The following MAP1LC3B variants were observed in gnomAD, a reference collection of about 807,000 sequenced individuals.
The protein encoded by MAP1LC3B is microtubule-associated protein 1 light chain 3 beta.
MAP1LC3B carries 12 observed loss-of-function variants against 16.7 expected under a neutral mutation model. The ratio of observed to expected loss-of-function variants is 0.72; its 90% CI spans 0.46 to 1.16. MAP1LC3B has a LOEUF of 1.16. MAP1LC3B is among the 50% of genes most tolerant of loss of function. The probability of loss-of-function intolerance (pLI) is 0.00; values close to 1 mark genes in which losing one functional copy is unlikely to be tolerated. For missense variants in MAP1LC3B, 155 were observed against 159.5 expected (o/e 0.97, Z 0.15); for synonymous variants, 63 against 56.5 (o/e 1.11, Z -0.51).
chr16:87,392,582 C>T, intron 1 of MAP1LC3B, 115 bp downstream of exon 1: 1 of 993,872 alleles, frequency 1.0e-6, no homozygotes, highest in Non-Finnish European at 1.3e-6. Context: ...CCGAGCGGGG[C>T]CGGTGGCTGC....
At chr16:87,392,805 C>T (rs986498410) in intron 1 of MAP1LC3B, 3 of 152,842 alleles carry the variant, frequency 2.0e-5, no homozygotes, top group Non-Finnish European at 2.9e-5. Context: ...GGCGGGGTGC[C>T]TGCCGTACCC....
chr16:87,395,351 C>A (rs141296592), intron 1 of MAP1LC3B, among the ~76,000 whole-genome samples: 9 of 152,200 alleles, frequency 5.9e-5, no homozygotes, highest in African/African-American at 1.9e-4. Context: ...CTTCTGTGTA[C>A]AAGCCTGAGC....
intron 1 of MAP1LC3B, 77 bp from the exon 2 acceptor site, chr16:87,398,738 G>A: frequency 7.6e-7 from 1 of 1,307,814 alleles, no homozygotes; most frequent in Non-Finnish European, 1.1e-6. Flanking sequence ...GCTGAACTTG[G>A]ATGGAGAACC....
intron 1 of MAP1LC3B, among the ~76,000 whole-genome samples, chr16:87,396,100 A>T (rs1482789534): frequency 2.0e-5 from 3 of 150,966 alleles, no homozygotes; most frequent in African/African-American, 7.3e-5. Context: ...ACCTCAGGTG[A>T]TCCGCCCGCC....
intron 1 of MAP1LC3B, 89 bp downstream of exon 1, chr16:87,392,556 G>T: frequency 8.7e-7 from 1 of 1,150,580 alleles, no homozygotes; most frequent in Non-Finnish European, 1.1e-6. Context: ...TGAGGGGTCG[G>T]GGCCGAGCCG....
At chr16:87,402,130 T>C (rs1298333162) in intron 2 of MAP1LC3B, 45 bp from the exon 3 acceptor site, 2 of 1,607,666 alleles carry the variant, frequency 1.2e-6, no homozygotes, top group East Asian at 2.2e-5. Context: ...CCACCGCGCC[T>C]GGCCCTGATG....
chr16:87,398,904 A>G, intron 2 of MAP1LC3B, 34 bp downstream of exon 2: 3 of 1,592,032 alleles, frequency 1.9e-6, no homozygotes, highest in African/African-American at 1.3e-5. Flanking sequence ...TCAGTCATGA[A>G]TGTACGCAGA....
Position 87,402,995 on chromosome 16 carries a change from C to A in MAP1LC3B, c.276C>A (p.Ser92=). 1 of 1,614,038 alleles carries A rather than the reference C, an allele frequency of 6.2e-7. No homozygotes were observed. ...ACGGACACAGCATGGTCAGCGTCTCCACACCAATCTCAGAGGTGTATGAGA... is the reference window on the plus strand; with the variant it reads ...ACGGACACAGCATGGTCAGCGTCTCAACACCAATCTCAGAGGTGTATGAGA... ...LVNGHSMVSV[S]TPISEVYESE... Residue 92 remains serine, a synonymous_variant, in exon 4 of 4, where the codon TCC becomes TCA. Coordinates refer to ENST00000268607, the MANE Select transcript of MAP1LC3B (RefSeq NM_022818.5).
At position 87,403,544 on chromosome 16, in the gene MAP1LC3B, C is replaced by G. The variant is rs1270782138; in HGVS notation, c.*447C>G. ...TTTCTACTCAGCTAGAGAGATCTCCCTAAGAGGATCTTTAGGCCTGAGTTG... is the reference window on the plus strand; with the variant it reads ...TTTCTACTCAGCTAGAGAGATCTCCGTAAGAGGATCTTTAGGCCTGAGTTG... On this transcript the variant is annotated 3_prime_UTR_variant, in exon 4 of 4. Coordinates refer to ENST00000268607, the MANE Select transcript of MAP1LC3B (RefSeq NM_022818.5). 6.4e-6 allele frequency: 1 copy of G among 156,576 alleles called. No homozygotes were observed. The highest frequency in any genetic ancestry group is 1.4e-5 in the Non-Finnish European group (1 of 70,306). 9.7% of individuals were successfully genotyped at this position (156,576 alleles called of 1,614,324 possible).
chr16:87,400,799 C>G (rs982546243), intron 2 of MAP1LC3B, among the ~76,000 whole-genome samples: 1 of 151,698 alleles, frequency 6.6e-6, no homozygotes, highest in African/African-American at 2.4e-5. Flanking sequence ...AACAACCAGC[C>G]TGAGTCACCG....
intron 1 of MAP1LC3B, among the ~76,000 whole-genome samples, chr16:87,395,851 C>CTTT (rs1907779644): frequency 2.0e-5 from 2 of 100,148 alleles, no homozygotes; most frequent in Middle Eastern, 7.0e-3. Flanking sequence ...TTCCTTCTTT[C>CTTT]CTTTTTTTTT....
At chr16:87,399,712 A>C (rs1907919853) in intron 2 of MAP1LC3B, 1 of 391,944 alleles carries the variant, frequency 2.6e-6, no homozygotes. Flanking sequence ...AAAACTAAAA[A>C]AAAACAAAAT....
intron 1 of MAP1LC3B, among the ~76,000 whole-genome samples, chr16:87,393,535 C>G (rs1478576781): frequency 6.6e-6 from 1 of 152,016 alleles, no homozygotes; most frequent in Non-Finnish European, 1.5e-5. Flanking sequence ...TATTTTTTTT[C>G]TTATGCCTGA....
intron 2 of MAP1LC3B, chr16:87,399,225 C>G (rs1044548959): frequency 3.7e-6 from 1 of 269,374 alleles, no homozygotes; most frequent in Non-Finnish European, 7.3e-6. Flanking sequence ...ACAACCCAGG[C>G]TGATCTCAAA....
At chr16:87,399,579 C>A (rs1163867460) in intron 2 of MAP1LC3B, 1 of 450,388 alleles carries the variant, frequency 2.2e-6, no homozygotes, top group Non-Finnish European at 4.4e-6. Context: ...TGCCACTCAA[C>A]TTCTCTTTGT....
At chr16:87,394,291 T>A (rs2318451) in intron 1 of MAP1LC3B, among the ~76,000 whole-genome samples, 1 of 141,182 alleles carries the variant, frequency 7.1e-6, no homozygotes, top group Non-Finnish European at 1.6e-5. Flanking sequence ...AAAAAAAAAA[T>A]CTTTCTAGTT....
At chr16:87,392,685 G>T in intron 1 of MAP1LC3B, 1 of 256,304 alleles carries the variant, frequency 3.9e-6, no homozygotes, top group Middle Eastern at 1.5e-3. Flanking sequence ...GTCTGGGCCG[G>T]GGCGGCCTGC....
In MAP1LC3B at chr16:87,398,890, G is replaced by A. The variant is rs963242426; in HGVS notation, c.96+20G>A. Reference sequence around the variant, plus strand: ...ATCCCGGTAGGTAGTCTCAGGCCTCGGTTTCAGTCATGAATGTACGCAGAG... The same window carrying A: ...ATCCCGGTAGGTAGTCTCAGGCCTCAGTTTCAGTCATGAATGTACGCAGAG... On this transcript the variant is annotated intron_variant, in intron 2 of 3. Coordinates refer to ENST00000268607, the MANE Select transcript of MAP1LC3B (RefSeq NM_022818.5). 3.1e-6 allele frequency: 5 copies of A among 1,611,162 alleles called. No individual in the cohort carries two copies. The highest frequency in any genetic ancestry group is 1.3e-5 in the African/African-American group (1 of 74,998).
rs1567502920 is a variant in MAP1LC3B at position 87,404,681 on chromosome 16, ACCTATATC to A, written c.*1587_*1594del. The stretch of plus-strand genomic sequence containing the variant: ...AAAAAAAATAACATGCTGAGGGGTG[ACCTATATC>A]CCATGTGAGTGGTCACTTTATTTAT... On this transcript the variant is annotated 3_prime_UTR_variant, in exon 4 of 4. Transcript: ENST00000268607. The A allele has an allele frequency of 6.6e-6, 1 of 152,224 alleles. No homozygotes were observed. The highest frequency in any genetic ancestry group is 1.5e-5 in the Non-Finnish European group (1 of 68,048). The allele number at this position is 152,224 out of a possible 1,614,324, so 9.4% of individuals were successfully genotyped here. A position where few individuals can be genotyped will look rare whatever the true frequency, so the allele number is the denominator to read the frequency against.
Sources: allele counts gnomAD v4.1 joint callset (sites outside exome capture counted in the v4.1 genomes callset), GRCh38; gene constraint gnomAD v4.1.1; transcripts MANE v1.5; gene names NCBI Gene and HGNC (gene_info 2026-07-23, HGNC 2026-07-21).